AKAP19: variants seen among roughly 807,000 people sequenced by gnomAD.
The protein encoded by AKAP19 is A-kinase anchoring protein 19.
chr2:190,202,398 C>T, the AKAP19 span: 1 of 166,620 alleles, frequency 6.0e-6, no homozygotes, highest in Non-Finnish European at 1.5e-5. Flanking sequence ...GTGGATAAAT[C>T]AAGACAGGAG....
chr2:189,911,311 T>G, the AKAP19 span, among the ~76,000 whole-genome samples: 1 of 152,098 alleles, frequency 6.6e-6, no homozygotes, highest in East Asian at 1.9e-4. Context: ...TGTTACTAAT[T>G]TTGGAGGATG....
chr2:190,057,888 C>T, the AKAP19 span, among the ~76,000 whole-genome samples: 1 of 151,776 alleles, frequency 6.6e-6, no homozygotes, highest in African/African-American at 2.4e-5. Context: ...TTTATTTTTC[C>T]AAGTTTGAGT....
the AKAP19 span, among the ~76,000 whole-genome samples, chr2:190,136,510 T>C: frequency 6.6e-6 from 1 of 152,156 alleles, no homozygotes; most frequent in South Asian, 2.1e-4. Context: ...TGATCAAAGG[T>C]TGGTTTCTGG....
the AKAP19 span, among the ~76,000 whole-genome samples, chr2:189,959,210 T>G: frequency 3.3e-5 from 5 of 151,646 alleles, no homozygotes; most frequent in Admixed American, 6.6e-5. Context: ...AAATTTAAAT[T>G]TAACTTTCTA....
the AKAP19 span, among the ~76,000 whole-genome samples, chr2:190,120,184 A>T: frequency 6.6e-6 from 1 of 152,170 alleles, no homozygotes; most frequent in South Asian, 2.1e-4. Flanking sequence ...AGATTCTCAT[A>T]CGAGGGCAAA....
At chr2:190,143,679 C>T in the AKAP19 span, among the ~76,000 whole-genome samples, 2 of 151,820 alleles carry the variant, frequency 1.3e-5, no homozygotes, top group Non-Finnish European at 2.9e-5. Context: ...GGGTATATAC[C>T]CAAAGGACTA....
the AKAP19 span, among the ~76,000 whole-genome samples, chr2:190,143,694 T>A: frequency 6.6e-6 from 1 of 152,022 alleles, no homozygotes; most frequent in Non-Finnish European, 1.5e-5. Context: ...GGACTATAAA[T>A]CATGCTGCTA....
the AKAP19 span, among the ~76,000 whole-genome samples, chr2:190,049,978 G>A: frequency 1.3e-5 from 2 of 152,234 alleles, no homozygotes; most frequent in Non-Finnish European, 2.9e-5. Context: ...GCATTTTGGG[G>A]GGAGGATAAA....
At chr2:190,073,216 A>C in the AKAP19 span, among the ~76,000 whole-genome samples, 1 of 152,194 alleles carries the variant, frequency 6.6e-6, no homozygotes, top group Admixed American at 6.5e-5. Flanking sequence ...GAAGACCTGT[A>C]TGAAATGAAC....
At chr2:190,083,811 T>C in the AKAP19 span, among the ~76,000 whole-genome samples, 65,505 of 151,972 alleles carry the variant, frequency 0.43, 14,862 homozygotes, top group South Asian at 0.64. Flanking sequence ...CATGCCTCTT[T>C]GGGCCTGATA....
the AKAP19 span, chr2:190,189,782 A>T: frequency 6.6e-6 from 1 of 152,226 alleles, no homozygotes; most frequent in Non-Finnish European, 1.5e-5. Context: ...TCTAAATCAA[A>T]GCACTCTACC....
the AKAP19 span, among the ~76,000 whole-genome samples, chr2:190,065,213 G>A: frequency 1.3e-5 from 2 of 151,982 alleles, no homozygotes; most frequent in South Asian, 2.1e-4. Flanking sequence ...TAGTGCTGAC[G>A]TGCTGCGTGG....
chr2:189,966,452 G>A, the AKAP19 span, among the ~76,000 whole-genome samples: 1 of 152,116 alleles, frequency 6.6e-6, no homozygotes, highest in East Asian at 1.9e-4. Flanking sequence ...CAAAAAATGA[G>A]ATATGCCTGA....
At chr2:190,173,463 C>T in the AKAP19 span, among the ~76,000 whole-genome samples, 3 of 152,136 alleles carry the variant, frequency 2.0e-5, no homozygotes, top group African/African-American at 7.2e-5. Flanking sequence ...CACTGTAAGA[C>T]GTCAAGATAA....
At chr2:189,950,173 G>T in the AKAP19 span, among the ~76,000 whole-genome samples, 1 of 151,050 alleles carries the variant, frequency 6.6e-6, no homozygotes, top group South Asian at 2.1e-4. Flanking sequence ...GATTACAGGT[G>T]CCTGCCATGA....
the AKAP19 span, among the ~76,000 whole-genome samples, chr2:190,081,564 T>A: frequency 6.6e-6 from 1 of 152,228 alleles, no homozygotes; most frequent in Admixed American, 6.5e-5. Context: ...TTTGCATGAC[T>A]CCTGTGCATA....
the AKAP19 span, among the ~76,000 whole-genome samples, chr2:189,932,023 C>G: frequency 2.0e-5 from 3 of 152,158 alleles, no homozygotes; most frequent in African/African-American, 7.2e-5. Flanking sequence ...TGCCAGACAC[C>G]TCACTGTTCT....
At chr2:190,086,841 G>A in the AKAP19 span, among the ~76,000 whole-genome samples, 1 of 152,150 alleles carries the variant, frequency 6.6e-6, no homozygotes, top group Admixed American at 6.6e-5. Context: ...TTTATGATTA[G>A]GATTAATTGT....
At chr2:190,117,902 G>T in the AKAP19 span, among the ~76,000 whole-genome samples, 1 of 152,152 alleles carries the variant, frequency 6.6e-6, no homozygotes, top group African/African-American at 2.4e-5. Flanking sequence ...GGTTGCTAAC[G>T]TAGGCTGCTG....
Sources: allele counts gnomAD v4.1 joint callset (sites outside exome capture counted in the v4.1 genomes callset), GRCh38; gene constraint gnomAD v4.1.1; transcripts MANE v1.5; gene names NCBI Gene and HGNC (gene_info 2026-07-23, HGNC 2026-07-21).